SEC16A: variants seen among roughly 807,000 people sequenced by gnomAD.
The protein encoded by SEC16A is protein transport protein Sec16A.
In SEC16A, 110 loss-of-function variants were observed where a neutral mutation model predicts 221.9. That is an observed-to-expected ratio of 0.50 (90% CI 0.42 to 0.58). The LOEUF (loss-of-function observed/expected upper bound fraction) is 0.58, where lower values mean the gene tolerates loss of function less well. SEC16A is among the 20% of genes least tolerant of loss of function. The probability of loss-of-function intolerance (pLI) is 0.00; values close to 1 mark genes in which losing one functional copy is unlikely to be tolerated. For synonymous variants in SEC16A, 1,393 were observed against 1,257.7 expected, an observed-to-expected ratio of 1.11 and a Z score of -2.28; for missense variants, 3,165 against 3,097.8, an observed-to-expected ratio of 1.02 and a Z score of -0.52.
intron 30 of SEC16A, among the ~76,000 whole-genome samples, chr9:136,444,278 G>A (rs893340015): frequency 6.6e-6 from 1 of 152,120 alleles, no homozygotes; most frequent in Non-Finnish European, 1.5e-5. Flanking sequence ...AAGCCTTTCT[G>A]CTGAGCCACG....
intron 3 of SEC16A, among the ~76,000 whole-genome samples, chr9:136,473,549 C>A (rs1167399417): frequency 6.6e-6 from 1 of 152,270 alleles, no homozygotes; most frequent in East Asian, 1.9e-4. Context: ...CGGGACTCCG[C>A]CTCGCTTAGC....
intron 23 of SEC16A, among the ~76,000 whole-genome samples, chr9:136,449,710 G>C (rs915596160): frequency 1.3e-5 from 2 of 152,226 alleles, no homozygotes; most frequent in African/African-American, 4.8e-5. Context: ...CTGTTTCTCT[G>C]TGAGTTCTAC....
chr9:136,443,684 T>C, intron 31 of SEC16A, 139 bp downstream of exon 31: 1 of 614,038 alleles, frequency 1.6e-6, no homozygotes, highest in Non-Finnish European at 2.9e-6. Context: ...CAAGACCCTG[T>C]CTCAATAAAT....
At chr9:136,471,373 T>C (rs1018318761) in intron 4 of SEC16A, among the ~76,000 whole-genome samples, 4 of 150,764 alleles carry the variant, frequency 2.7e-5, no homozygotes, top group Admixed American at 2.0e-4. Flanking sequence ...CCTCGGGAGG[T>C]TGAAGTGGGA....
At chr9:136,457,983 G>A (rs896160735) in intron 17 of SEC16A, among the ~76,000 whole-genome samples, 6 of 151,926 alleles carry the variant, frequency 3.9e-5, no homozygotes, top group African/African-American at 1.5e-4. Context: ...TTTTGACAGG[G>A]TCTCACTTTG....
chr9:136,483,508 A>C (rs1589044562), upstream of SEC16A: 2 of 920,312 alleles, frequency 2.2e-6, no homozygotes, highest in Admixed American at 1.1e-4. Flanking sequence ...CTGCCGCCTC[A>C]CCGCTTGGCC....
chr9:136,441,799 T>C lies in SEC16A; in HGVS notation c.7030A>G (p.Arg2344Gly), dbSNP rs757722917. ...TTCCTCTGGCCAATCCTCCCTAGCC[T>C]TGAGCTCCCGGAGGTGGCGCAGGCC... is the stretch of plus-strand genomic sequence containing the variant. ...AQACATSGSSRLGRIGQRKHL... is the reference protein window; with the variant it reads ...AQACATSGSSGLGRIGQRKHL... The change falls in exon 32 of 32, where the codon AGG becomes GGG. Residue 2344 changes from arginine (R) to glycine (G), a missense_variant. Arg to Gly is a moderately radical substitution (Grantham distance 125). This residue lies in a region of SEC16A where 1,088 missense variants were observed against 1,089.6 expected (regional missense o/e 1.00). Coordinates refer to ENST00000684901, the MANE Select transcript of SEC16A (RefSeq NM_014866.2). The C allele has an allele frequency of 3.7e-6, 6 of 1,613,274 alleles. No homozygotes were observed. Among genetic ancestry groups the C allele is most frequent in the Non-Finnish European group, 4.2e-6 (5 of 1,179,784 alleles).
At position 136,477,258 on chromosome 9, in the gene SEC16A, G is replaced by A. The variant is rs7853105; in HGVS notation, c.358C>T (p.His120Tyr). The change falls in exon 3 of 32, where the codon CAT becomes TAT. Residue 120 changes from histidine to tyrosine, a missense_variant. His to Tyr is a moderately conservative substitution (Grantham distance 83). This residue lies in a region of SEC16A where 2,030 missense variants were observed against 1,923.1 expected (regional missense o/e 1.06). Transcript: ENST00000684901. Reference protein sequence around the residue: ...LPGPLTQPRAHASPFSGALTP... With the variant: ...LPGPLTQPRAYASPFSGALTP... Reference sequence around the variant, plus strand: ...AATGCACCAGAAAACGGACTGGCATGTGCTCTGGGCTGTGTCAGAGGTCCA... The same window carrying A: ...AATGCACCAGAAAACGGACTGGCATATGCTCTGGGCTGTGTCAGAGGTCCA... 1 of 1,613,996 alleles carries A rather than the reference G, an allele frequency of 6.2e-7. No homozygotes were observed. Among genetic ancestry groups the A allele is most frequent in the African/African-American group, 1.3e-5 (1 of 75,056 alleles).
chr9:136,464,169 G>C (rs974836357), intron 9 of SEC16A, among the ~76,000 whole-genome samples: 1 of 152,022 alleles, frequency 6.6e-6, no homozygotes, highest in African/African-American at 2.4e-5. Context: ...CCAAAACGAG[G>C]ACAGAAAATG....
rs902709701 is a variant in SEC16A at position 136,471,873 on chromosome 9, G to A, written c.3704+102C>T. The A allele has an allele frequency of 5.8e-6, 8 of 1,370,234 alleles. No individual in the cohort carries two copies. In the African/African-American group the frequency reaches 7.2e-5, roughly 12 times the overall value. 84.9% of individuals were successfully genotyped at this position (1,370,234 alleles called of 1,614,324 possible). On this transcript the variant is annotated intron_variant, in intron 4 of 31. Transcript: ENST00000684901. Reference sequence around the variant, plus strand: ...TTAGATAAGTTTGTACAATTCTTCAGAAATACAGAACTTTTTGAGTCACTA... The same window carrying A: ...TTAGATAAGTTTGTACAATTCTTCAAAAATACAGAACTTTTTGAGTCACTA...
rs754228638 is a variant in SEC16A at position 136,466,173 on chromosome 9, C to T, written c.4129-37G>A. 7 of 1,568,944 alleles carry T rather than the reference C, an allele frequency of 4.5e-6. No individual in the cohort carries two copies. In the East Asian group the frequency reaches 9.0e-5, roughly 20 times the overall value. On this transcript the variant is annotated intron_variant, in intron 7 of 31. Transcript: ENST00000684901. This position sits in a 1 kb window ranked among gnomAD's most constrained non-coding sequence, Gnocchi z 5.5. Reference sequence around the variant, plus strand: ...AAGCAAACGGGCAAAATCAATTCCCCAGGCACAGCAGTAAAACTTTAGGTA... The same window carrying T: ...AAGCAAACGGGCAAAATCAATTCCCTAGGCACAGCAGTAAAACTTTAGGTA...
chr9:136,470,644 A>G (rs1840731570), intron 4 of SEC16A, among the ~76,000 whole-genome samples: 2 of 152,096 alleles, frequency 1.3e-5, no homozygotes, highest in African/African-American at 4.8e-5. Flanking sequence ...AGCACCTCCA[A>G]CATCCAGCTG....
At chr9:136,462,799 C>A in intron 12 of SEC16A, 88 bp downstream of exon 12, 1 of 1,473,624 alleles carries the variant, frequency 6.8e-7, no homozygotes, top group Non-Finnish European at 9.1e-7. Flanking sequence ...AAGAGGGGGC[C>A]ACGTCCCTCC....
rs530458598 is a variant in SEC16A, at chr9:136,469,048, C to A, written c.3705-536G>T. ...TATTTTTCATAGACATGGGGTTTCACCATGTTGCCGAGGCTGGTCTCGAAC... is the reference window on the plus strand; with the variant it reads ...TATTTTTCATAGACATGGGGTTTCAACATGTTGCCGAGGCTGGTCTCGAAC... On this transcript the variant is annotated intron_variant, in intron 4 of 31. Coordinates refer to ENST00000684901, the MANE Select transcript of SEC16A (RefSeq NM_014866.2). Among the ~76,000 whole-genome samples the A allele has an allele frequency of 2.6e-5, 4 of 152,234 alleles. No homozygotes were observed. The East Asian group carries it at 5.8e-4, about 22-fold the overall frequency.
At chr9:136,455,163 C>T (rs755681641) in intron 20 of SEC16A, among the ~76,000 whole-genome samples, 1 of 152,152 alleles carries the variant, frequency 6.6e-6, no homozygotes, top group Non-Finnish European at 1.5e-5. Context: ...CCGAGAAGCG[C>T]GAGAGAGGAG....
At chr9:136,469,320 G>C (rs1439554729) in intron 4 of SEC16A, among the ~76,000 whole-genome samples, 3 of 152,214 alleles carry the variant, frequency 2.0e-5, no homozygotes, top group Non-Finnish European at 4.4e-5. Flanking sequence ...TCCTGGAGCT[G>C]ACGTGGTGTC....
intron 4 of SEC16A, among the ~76,000 whole-genome samples, chr9:136,469,929 G>A (rs1840641392): frequency 6.6e-6 from 1 of 152,220 alleles, no homozygotes; most frequent in South Asian, 2.1e-4. Context: ...GCCACAGCAG[G>A]TTCTGGAGAA....
chr9:136,482,180 A>C (rs930972522), intron 1 of SEC16A, among the ~76,000 whole-genome samples: 1 of 152,304 alleles, frequency 6.6e-6, no homozygotes, highest in African/African-American at 2.4e-5. Flanking sequence ...AAACGCAGGG[A>C]GGCTGCATTG....
At position 136,475,680 on chromosome 9, in the gene SEC16A, T is replaced by G. The variant is rs1841529361; in HGVS notation, c.1936A>C (p.Arg646=). The G allele has an allele frequency of 2.5e-6, 4 of 1,613,698 alleles. No homozygotes were observed. Among genetic ancestry groups the G allele is most frequent in the Non-Finnish European group, 3.4e-6 (4 of 1,179,854 alleles). Residue 646 remains arginine, a synonymous_variant, in exon 3 of 32, where the codon AGA becomes CGA. Coordinates refer to ENST00000684901, the MANE Select transcript of SEC16A (RefSeq NM_014866.2). This position sits in a 1 kb window ranked among gnomAD's most constrained non-coding sequence, Gnocchi z 5.0. The part of the protein sequence containing the change: ...RETCVRQKQC[R]PAAALPDASP... Reference sequence around the variant, plus strand: ...GCATCGGGCAGGGCGGCAGCTGGTCTGCACTGCTTCTGGCGGACACAGGTC... The same window carrying G: ...GCATCGGGCAGGGCGGCAGCTGGTCGGCACTGCTTCTGGCGGACACAGGTC...
Sources: allele counts gnomAD v4.1 joint callset (sites outside exome capture counted in the v4.1 genomes callset), GRCh38; gene constraint gnomAD v4.1.1; regional missense constraint gnomAD v4.1.1; non-coding constraint Gnocchi (gnomAD v3.1); transcripts MANE v1.5; gene names NCBI Gene and HGNC (gene_info 2026-07-23, HGNC 2026-07-21).